PDE4D: variants seen among roughly 807,000 people sequenced by gnomAD.
PDE4D encodes the protein phosphodiesterase 4D.
Under a neutral mutation model 87.4 loss-of-function variants are expected in PDE4D, and 24 were observed. The observed-to-expected ratio is 0.27, with a 90% CI of 0.20 to 0.39. PDE4D has a LOEUF of 0.39. PDE4D is among the 10% of genes least tolerant of loss of function. The pLI, the probability that PDE4D is intolerant of heterozygous loss-of-function variation, is 1.00. For missense variants in PDE4D, 714 were observed against 1,041.0 expected, an observed-to-expected ratio of 0.69 and a Z score of 4.32; for synonymous variants, 384 against 383.2, an observed-to-expected ratio of 1.00 and a Z score of -0.02.
chr5:60,339,003 G>A (rs192104908), intron 1 of PDE4D, among the ~76,000 whole-genome samples: 13 of 152,120 alleles, frequency 8.5e-5, no homozygotes, highest in Admixed American at 7.2e-4. Flanking sequence ...TATGTCTTCC[G>A]CCCACAAATT....
chr5:59,225,058 C>A (rs751548729), intron 1 of PDE4D, among the ~76,000 whole-genome samples: 4 of 152,138 alleles, frequency 2.6e-5, no homozygotes, highest in Non-Finnish European at 4.4e-5. Context: ...AACTGAAACT[C>A]TCTCTAAGAA....
chr5:59,102,901 T>TG (rs1771002736), intron 5 of PDE4D, among the ~76,000 whole-genome samples: 1 of 152,166 alleles, frequency 6.6e-6, no homozygotes, highest in Non-Finnish European at 1.5e-5. Context: ...AGCATAACAC[T>TG]TAACAGCCGA....
upstream of PDE4D, among the ~76,000 whole-genome samples, chr5:59,898,196 G>C (rs1359172776): frequency 6.6e-6 from 1 of 152,158 alleles, no homozygotes; most frequent in Non-Finnish European, 1.5e-5. Context: ...TTTCCAACTA[G>C]TTGGAGGCTC....
chr5:60,280,568 A>G (rs1431720189), intron 1 of PDE4D, among the ~76,000 whole-genome samples: 2 of 152,178 alleles, frequency 1.3e-5, no homozygotes, highest in Non-Finnish European at 2.9e-5. Context: ...GAACAAGTAC[A>G]AGCCAAAGTT....
chr5:58,969,377 ACT>A lies in PDE4D; in HGVS notation c.*5285_*5286del, dbSNP rs1176980399. On this transcript the variant is annotated 3_prime_UTR_variant, in exon 15 of 15. Coordinates refer to ENST00000340635, the MANE Select transcript of PDE4D (RefSeq NM_001104631.2). ...GGCTCTGCGGCTCCAGGCCCTGCCTACTCTCTCACTTTTCCTCAGTTTCTCCA... is the reference window on the plus strand; with the variant it reads ...GGCTCTGCGGCTCCAGGCCCTGCCTACTCTCACTTTTCCTCAGTTTCTCCA... 6.6e-6 allele frequency: 1 copy of A among 152,190 alleles called. No homozygotes were observed. The highest frequency in any genetic ancestry group is 1.5e-5 in the Non-Finnish European group (1 of 68,052). 9.4% of individuals were successfully genotyped at this position (152,190 alleles called of 1,614,324 possible). A position where few individuals can be genotyped will look rare whatever the true frequency, so the allele number is the denominator to read the frequency against.
intron 1 of PDE4D, among the ~76,000 whole-genome samples, chr5:59,333,659 A>G (rs1355277877): frequency 2.0e-5 from 3 of 152,172 alleles, no homozygotes; most frequent in Non-Finnish European, 4.4e-5. Context: ...CAGATTTTGT[A>G]ATTTATGTAG....
In PDE4D at chr5:59,709,048, A is replaced by G. The variant is rs577359212; in HGVS notation, c.455+184120T>C. On this transcript the variant is annotated intron_variant, in intron 1 of 14. Coordinates refer to ENST00000340635, the MANE Select transcript of PDE4D (RefSeq NM_001104631.2). The stretch of plus-strand genomic sequence containing the variant: ...ACATTTTAGACTTAAAAAGTGCTTT[A>G]AAGATCATCTACTTCTTCTACCCAC... Among the ~76,000 whole-genome samples, 3 of 152,178 alleles carry G rather than the reference A, an allele frequency of 2.0e-5. No homozygotes were observed. In the East Asian group the frequency reaches 5.8e-4, roughly 29 times the overall value.
rs527452241 is a variant in PDE4D at position 59,070,925 on chromosome 5, T to C, written c.809-31954A>G. ...GTCACTTTGGGATGTTCTTTCCTTA[T>C]TATCCCAAGGGTAATGTTTTTAGAG... is the stretch of plus-strand genomic sequence containing the variant. On this transcript the variant is annotated intron_variant, in intron 5 of 14. Coordinates refer to ENST00000340635, the MANE Select transcript of PDE4D (RefSeq NM_001104631.2). 8.8e-4 allele frequency among the ~76,000 whole-genome samples: 134 copies of C among 152,350 alleles called. 2 individuals are homozygous for C. The Middle Eastern group carries it at 0.01, about 12-fold the overall frequency.
chr5:60,098,333 T>C (rs1248987691), intron 2 of PDE4D, among the ~76,000 whole-genome samples: 2 of 151,922 alleles, frequency 1.3e-5, no homozygotes, highest in Non-Finnish European at 2.9e-5. Flanking sequence ...AAAATGCAAT[T>C]GGAATTTTGA....
intron 2 of PDE4D, among the ~76,000 whole-genome samples, chr5:60,103,360 A>G (rs1776448907): frequency 1.3e-5 from 2 of 152,228 alleles, no homozygotes; most frequent in African/African-American, 4.8e-5. Context: ...ACTTAGGCTA[A>G]GAAGAATAGA....
intron 1 of PDE4D, among the ~76,000 whole-genome samples, chr5:59,669,687 C>T (rs915961523): frequency 6.6e-6 from 1 of 152,000 alleles, no homozygotes; most frequent in Non-Finnish European, 1.5e-5. Flanking sequence ...CATGGGAGAC[C>T]ACAGTTTTCA....
rs1314442550 is a variant in PDE4D at position 59,787,478 on chromosome 5, C to G, written c.455+105690G>C. On this transcript the variant is annotated intron_variant, in intron 1 of 14. Coordinates refer to ENST00000340635, the MANE Select transcript of PDE4D (RefSeq NM_001104631.2). The stretch of plus-strand genomic sequence containing the variant: ...CCCTTTGTCACTTGTATTCACTACT[C>G]TATCACCCATACACATGGGTAGGTC... Among the ~76,000 whole-genome samples, 3 of 152,308 alleles carry G rather than the reference C, an allele frequency of 2.0e-5. No individual in the cohort carries two copies. The East Asian group carries it at 5.8e-4, about 29-fold the overall frequency.
rs751214912 is a variant in PDE4D at position 59,586,418 on chromosome 5, G to A, written c.455+306750C>T. On this transcript the variant is annotated intron_variant, in intron 1 of 14. Coordinates refer to ENST00000340635, the MANE Select transcript of PDE4D (RefSeq NM_001104631.2). The stretch of plus-strand genomic sequence containing the variant: ...CATTAATATTTTTCTTGTCTCCTAC[G>A]TTACATGTAGTGATTTTTACAGATG... 26 of 1,593,952 alleles carry A rather than the reference G, an allele frequency of 1.6e-5. No individual in the cohort carries two copies. In the East Asian group the frequency reaches 3.9e-4, roughly 24 times the overall value.
chr5:59,833,925 T>A (rs939911585), intron 1 of PDE4D, among the ~76,000 whole-genome samples: 8 of 151,988 alleles, frequency 5.3e-5, no homozygotes, highest in Non-Finnish European at 1.2e-4. Context: ...GAGCCCTAAG[T>A]GAAAGGTCTG....
At chr5:59,124,492 A>G (rs1006702519) in intron 5 of PDE4D, among the ~76,000 whole-genome samples, 14 of 152,284 alleles carry the variant, frequency 9.2e-5, no homozygotes, top group African/African-American at 3.1e-4. Context: ...ATAATTTTGT[A>G]GCTTACCTAG....
intron 5 of PDE4D, among the ~76,000 whole-genome samples, chr5:59,077,764 A>G (rs1468384688): frequency 1.3e-5 from 2 of 152,128 alleles, no homozygotes; most frequent in Non-Finnish European, 2.9e-5. Context: ...CACACCTTCC[A>G]TTCCCACCCA....
chr5:59,240,766 G>A (rs1337487465), intron 1 of PDE4D, among the ~76,000 whole-genome samples: 5 of 137,330 alleles, frequency 3.6e-5, no homozygotes, highest in East Asian at 2.1e-4. Flanking sequence ...GTGAGTCTTC[G>A]GAAAAATTCA....
At chr5:59,134,236 A>C (rs868252021) in intron 5 of PDE4D, among the ~76,000 whole-genome samples, 1 of 149,264 alleles carries the variant, frequency 6.7e-6, no homozygotes, top group Non-Finnish European at 1.5e-5. Flanking sequence ...AGAATGAAAG[A>C]GAAAAAGTCA....
At chr5:60,434,655 G>T (rs960831172) in intron 1 of PDE4D, among the ~76,000 whole-genome samples, 1 of 152,096 alleles carries the variant, frequency 6.6e-6, no homozygotes, top group Non-Finnish European at 1.5e-5. Flanking sequence ...AGAAAACAAA[G>T]CTCATAGGCA....
Sources: allele counts gnomAD v4.1 joint callset (sites outside exome capture counted in the v4.1 genomes callset), GRCh38; gene constraint gnomAD v4.1.1; transcripts MANE v1.5; gene names NCBI Gene and HGNC (gene_info 2026-07-23, HGNC 2026-07-21).